MAGI1: variants seen among roughly 807,000 people sequenced by gnomAD.
MAGI1 encodes the protein membrane-associated guanylate kinase, WW and PDZ domain-containing protein 1.
A neutral mutation model predicts 139.9 loss-of-function variants in MAGI1; 58 were observed. The ratio of observed to expected loss-of-function variants is 0.41; its 90% CI spans 0.34 to 0.52. The LOEUF is 0.52. Ranked by LOEUF, MAGI1 falls within the 20% of genes least tolerant of loss-of-function variation. MAGI1 has a pLI of 0.12. For missense variants in MAGI1, 1,874 were observed against 1,901.6 expected, an observed-to-expected ratio of 0.99 and a Z score of 0.27; for synonymous variants, 812 against 737.9, an observed-to-expected ratio of 1.10 and a Z score of -1.63.
At chr3:65,678,340 TAA>T (rs1198385334) in intron 1 of MAGI1, among the ~76,000 whole-genome samples, 3 of 97,502 alleles carry the variant, frequency 3.1e-5, no homozygotes, top group African/African-American at 1.3e-4. Flanking sequence ...AGAAAACCTT[TAA>T]AAAATAAAAT....
At chr3:65,680,589 T>C (rs1429762416) in intron 1 of MAGI1, among the ~76,000 whole-genome samples, 1 of 152,012 alleles carries the variant, frequency 6.6e-6, no homozygotes, top group East Asian at 1.9e-4. Flanking sequence ...TAATTTTTCT[T>C]TTCTAATTTT....
chr3:65,968,810 A>G (rs1448888217), intron 1 of MAGI1, among the ~76,000 whole-genome samples: 1 of 152,104 alleles, frequency 6.6e-6, no homozygotes, highest in Non-Finnish European at 1.5e-5. Context: ...TCTACATAAG[A>G]CCATTTAAAA....
intron 1 of MAGI1, among the ~76,000 whole-genome samples, chr3:65,948,186 A>G (rs1180204130): frequency 1.3e-5 from 2 of 149,906 alleles, no homozygotes; most frequent in Admixed American, 6.6e-5. Context: ...TTAAGTGATC[A>G]GCCCACCTCA....
intron 1 of MAGI1, among the ~76,000 whole-genome samples, chr3:65,868,953 C>T (rs1019408331): frequency 1.3e-5 from 2 of 152,068 alleles, no homozygotes; most frequent in Admixed American, 6.6e-5. Context: ...TTGCCCATAG[C>T]CCCTATCAAC....
At chr3:65,609,424 C>T (rs1009410191) in intron 2 of MAGI1, among the ~76,000 whole-genome samples, 1 of 151,782 alleles carries the variant, frequency 6.6e-6, no homozygotes, top group African/African-American at 2.4e-5. Flanking sequence ...ACTACAGGTA[C>T]GTGCCACCAT....
At chr3:65,784,085 T>C (rs1484070711) in intron 1 of MAGI1, among the ~76,000 whole-genome samples, 1 of 151,804 alleles carries the variant, frequency 6.6e-6, no homozygotes, top group African/African-American at 2.4e-5. Context: ...ATTGTGCCAT[T>C]GCACTCCAGC....
intron 1 of MAGI1, among the ~76,000 whole-genome samples, chr3:65,706,453 C>T (rs2030306669): frequency 6.6e-6 from 1 of 152,294 alleles, no homozygotes; most frequent in Admixed American, 6.5e-5. Context: ...AACAAATGTG[C>T]GCCCAGCACC....
chr3:65,360,353 T>TC (rs937169093), intron 22 of MAGI1: 3 of 439,310 alleles, frequency 6.8e-6, no homozygotes, highest in Non-Finnish European at 8.9e-6. Context: ...AGCTTCTTCT[T>TC]TTTTTTTTTT....
intron 2 of MAGI1, among the ~76,000 whole-genome samples, chr3:65,537,682 G>A (rs1409364476): frequency 6.6e-6 from 1 of 151,872 alleles, no homozygotes; most frequent in Non-Finnish European, 1.5e-5. Context: ...CCAACTTTTC[G>A]CCTTCCACTG....
chr3:65,835,412 A>T (rs1268283993), intron 1 of MAGI1, among the ~76,000 whole-genome samples: 4 of 152,248 alleles, frequency 2.6e-5, no homozygotes, highest in Non-Finnish European at 4.4e-5. Flanking sequence ...GCCACTTAAT[A>T]GCAATGACAA....
In MAGI1 at chr3:65,811,693, C is replaced by CA. The variant is rs745690581; in HGVS notation, c.314-189606dup. Among the ~76,000 whole-genome samples, 1,214 of 140,458 alleles carry CA rather than the reference C, an allele frequency of 8.6e-3. 8 individuals are homozygous for CA. Among genetic ancestry groups the CA allele is most frequent in the Middle Eastern group, 0.018 (5 of 276 alleles). 92.1% of individuals were successfully genotyped at this position (140,458 alleles called of 152,430 possible). A position where few individuals can be genotyped will look rare whatever the true frequency, so the allele number is the denominator to read the frequency against. On this transcript the variant is annotated intron_variant, in intron 1 of 22. Transcript: ENST00000402939. ...AAAAATAAATAAATAAATACACAAA[C>CA]AAAAAAAAAAACAAGAAAAGCAGAG... is the stretch of plus-strand genomic sequence containing the variant.
At chr3:65,772,944 G>C (rs1426118602) in intron 1 of MAGI1, among the ~76,000 whole-genome samples, 1 of 152,152 alleles carries the variant, frequency 6.6e-6, no homozygotes, top group East Asian at 1.9e-4. Flanking sequence ...AAAGTTACCA[G>C]GAAGCACAGA....
At chr3:65,722,924 T>C (rs1196676625) in intron 1 of MAGI1, among the ~76,000 whole-genome samples, 1 of 151,410 alleles carries the variant, frequency 6.6e-6, no homozygotes, top group Non-Finnish European at 1.5e-5. Context: ...GGAACTTGAA[T>C]ACTACCTTTG....
intron 1 of MAGI1, among the ~76,000 whole-genome samples, chr3:65,680,069 C>T (rs1171912095): frequency 6.6e-6 from 1 of 152,150 alleles, no homozygotes; most frequent in Admixed American, 6.5e-5. Context: ...TTTTTCCCTT[C>T]TAAGTATGGG....
chr3:65,381,660 C>T (rs1559510750), intron 16 of MAGI1, among the ~76,000 whole-genome samples: 1 of 152,084 alleles, frequency 6.6e-6, no homozygotes, highest in Non-Finnish European at 1.5e-5. Context: ...CCTCTGGAAG[C>T]CTTTGTTGAA....
chr3:65,516,745 T>TTTTG (rs2077905907), intron 2 of MAGI1, among the ~76,000 whole-genome samples: 1 of 96,164 alleles, frequency 1.0e-5, no homozygotes, highest in East Asian at 2.3e-4. Context: ...TTTTTTTTTT[T>TTTTG]GAGACGGAGT....
At chr3:65,693,113 T>TA (rs1254555240) in intron 1 of MAGI1, among the ~76,000 whole-genome samples, 5 of 152,060 alleles carry the variant, frequency 3.3e-5, no homozygotes, top group Admixed American at 6.6e-5. Context: ...TTTTATTTTT[T>TA]AAAAAAATTT....
intron 1 of MAGI1, among the ~76,000 whole-genome samples, chr3:65,722,871 G>A (rs6770044): frequency 0.023 from 3,442 of 152,040 alleles, 134 homozygotes; most frequent in African/African-American, 0.077. Context: ...TGTTTCTAAC[G>A]GTGAATACTT....
chr3:65,813,847 G>C (rs955585606), intron 1 of MAGI1, among the ~76,000 whole-genome samples: 1 of 152,132 alleles, frequency 6.6e-6, no homozygotes, highest in Non-Finnish European at 1.5e-5. Context: ...TAAGTCCAGG[G>C]TTCTTCAAAC....
Sources: allele counts gnomAD v4.1 joint callset (sites outside exome capture counted in the v4.1 genomes callset), GRCh38; gene constraint gnomAD v4.1.1; transcripts MANE v1.5; gene names NCBI Gene and HGNC (gene_info 2026-07-23, HGNC 2026-07-21).